The following JADE2 variants were observed in gnomAD, a reference collection of about 807,000 sequenced individuals.
JADE2 encodes the protein E3 ubiquitin-protein ligase Jade-2.
A neutral mutation model predicts 85.7 loss-of-function variants in JADE2; 13 were observed. That is an observed-to-expected ratio of 0.15 (90% CI 0.10 to 0.24). The LOEUF (loss-of-function observed/expected upper bound fraction) is 0.24, where lower values mean the gene tolerates loss of function less well. Ranked by LOEUF, JADE2 falls within the 10% of genes least tolerant of loss-of-function variation. The pLI, the probability that JADE2 is intolerant of heterozygous loss-of-function variation, is 1.00. For synonymous variants in JADE2, 440 were observed against 456.1 expected (o/e 0.96, Z 0.45); for missense variants, 846 against 1,115.9 (o/e 0.76, Z 3.45).
chr5:134,555,075 A>T (rs1762829399), intron 4 of JADE2, among the ~76,000 whole-genome samples: 2 of 151,998 alleles, frequency 1.3e-5, no homozygotes, highest in Non-Finnish European at 2.9e-5. Context: ...CCAGAGACAG[A>T]GCCCTGTGCC....
intron 1 of JADE2, among the ~76,000 whole-genome samples, chr5:134,529,732 A>AG (rs1254670015): frequency 6.6e-6 from 1 of 152,260 alleles, no homozygotes; most frequent in Non-Finnish European, 1.5e-5. Flanking sequence ...TCTCTGCAGA[A>AG]GGGATCAGAA....
Position 134,578,571 on chromosome 5 carries a change from G to A in JADE2, c.1759G>A (p.Glu587Lys). Residue 587 changes from glutamate to lysine, a missense_variant, in exon 12 of 12, where the codon GAG (glutamate) becomes AAG (lysine). Glu to Lys is a moderately conservative substitution (Grantham distance 56). Transcript: ENST00000681547. This position sits in a 1 kb window ranked among gnomAD's most constrained non-coding sequence, Gnocchi z 4.4. ...GGCACAGTCGGTGCAGATCACAGCA[G>A]AGAACATGGCCATGAGCGAGTGGCC... ...WLAQSVQITA[E>K]NMAMSEWPLN... 6.2e-7 allele frequency: 1 copy of A among 1,613,964 alleles called. No individual in the cohort carries two copies. Among genetic ancestry groups the A allele is most frequent in the Non-Finnish European group, 8.5e-7 (1 of 1,179,882 alleles).
upstream of JADE2, chr5:134,525,639 A>C (rs1421626466): frequency 5.0e-5 from 50 of 1,007,912 alleles, 1 homozygote; most frequent in Middle Eastern, 5.0e-4. Context: ...TTCTAAAGAG[A>C]TCACAAGGAA....
chr5:134,551,944 A>G, intron 3 of JADE2, 108 bp from the exon 4 acceptor site: 1 of 974,086 alleles, frequency 1.0e-6, no homozygotes, highest in Non-Finnish European at 1.6e-6. Flanking sequence ...CTAAGTGCGC[A>G]GGCAGAATGT....
rs748748080 is a variant in JADE2 at position 134,578,182 on chromosome 5, A to G, written c.1682-312A>G. Among the ~76,000 whole-genome samples, 8 of 152,210 alleles carry G rather than the reference A, an allele frequency of 5.3e-5. No individual in the cohort carries two copies. The highest frequency in any genetic ancestry group is 1.2e-4 in the Non-Finnish European group (8 of 68,052). On this transcript the variant is annotated intron_variant, in intron 11 of 11. Transcript: ENST00000681547. This position sits in a 1 kb window ranked among gnomAD's most constrained non-coding sequence, Gnocchi z 4.4. ...ACCTGCTAGACAAACTAAAAGAGCT[A>G]TAACACTCCACCTTGAAATTCTTAA...
In JADE2 at chr5:134,581,856, A is replaced by G. The variant is rs1405392478; in HGVS notation, c.*2539A>G. 6.6e-6 allele frequency: 1 copy of G among 152,344 alleles called. No homozygotes were observed. Among genetic ancestry groups the G allele is most frequent in the Non-Finnish European group, 1.5e-5 (1 of 68,108 alleles). 9.4% of individuals were successfully genotyped at this position (152,344 alleles called of 1,614,324 possible). ...AGCTGTCTCCACCTCCAGGATGTCC[A>G]GCAGGCTGCAAGGAGAAGGATGCCA... On this transcript the variant is annotated 3_prime_UTR_variant, in exon 12 of 12. Transcript: ENST00000681547.
intron 1 of JADE2, among the ~76,000 whole-genome samples, chr5:134,530,202 T>C (rs1297930691): frequency 6.6e-6 from 1 of 152,252 alleles, no homozygotes; most frequent in Non-Finnish European, 1.5e-5. Flanking sequence ...GTTTTCTGAA[T>C]GTCTGGCCTT....
At chr5:134,548,711 C>T (rs1202013992) in intron 3 of JADE2, among the ~76,000 whole-genome samples, 1 of 152,224 alleles carries the variant, frequency 6.6e-6, no homozygotes, top group Non-Finnish European at 1.5e-5. Flanking sequence ...CCTTCCTGCC[C>T]TGAGTTCTCA....
At chr5:134,530,494 G>T (rs958944461) in intron 1 of JADE2, among the ~76,000 whole-genome samples, 3 of 152,162 alleles carry the variant, frequency 2.0e-5, no homozygotes, top group African/African-American at 7.2e-5. Context: ...TGTTTTAACT[G>T]CCCAGGGAGT....
At chr5:134,524,612 G>A (rs895931285), upstream of JADE2, among the ~76,000 whole-genome samples, 16 of 152,206 alleles carry the variant, frequency 1.1e-4, no homozygotes, top group African/African-American at 3.6e-4. Context: ...TCCTGCTGGG[G>A]CCAGGATGTG....
Position 134,525,974 on chromosome 5 carries a change from C to T in JADE2, c.-38C>T, listed in dbSNP as rs1581376691. The T allele has an allele frequency of 1.0e-6, 1 of 985,604 alleles. No homozygotes were observed. Among genetic ancestry groups the T allele is most frequent in the East Asian group, 1.1e-4 (1 of 8,786 alleles). The allele number at this position is 985,604 out of a possible 1,614,324, so 61.1% of individuals were successfully genotyped here. A position where few individuals can be genotyped will look rare whatever the true frequency, so the allele number is the denominator to read the frequency against. ...GCCGGTCCCTGCAGCGGCGCGTAGC[C>T]GAGGGCAGCGCCCGTCAGGGGGGCA... On this transcript the variant is annotated 5_prime_UTR_variant, in exon 1 of 12. An upstream open reading frame in the 5' UTR gains an earlier in-frame stop. Transcript: ENST00000681547.
chr5:134,569,868 T>C (rs1014585511), intron 9 of JADE2, among the ~76,000 whole-genome samples: 1 of 152,098 alleles, frequency 6.6e-6, no homozygotes, highest in Non-Finnish European at 1.5e-5. Context: ...CTTCCATCTC[T>C]AGGGCTCCCC....
chr5:134,528,959 A>G (rs1272955700), intron 1 of JADE2, among the ~76,000 whole-genome samples: 1 of 152,216 alleles, frequency 6.6e-6, no homozygotes, highest in Non-Finnish European at 1.5e-5. Context: ...CTTAGCTTTC[A>G]TGGACTGGTG....
Position 134,525,932 on chromosome 5 carries a change from G to C in JADE2, c.-80G>C. The C allele has an allele frequency of 4.1e-6, 4 of 985,892 alleles. No homozygotes were observed. Among genetic ancestry groups the C allele is most frequent in the Non-Finnish European group, 4.8e-6 (4 of 830,524 alleles). The allele number at this position is 985,892 out of a possible 1,614,324, so 61.1% of individuals were successfully genotyped here. ...GCCGGCCCCAGGAGCTCCCGGCTTCGGGAGCATCCTTCCCGCGCCGGTCCC... is the reference window on the plus strand; with the variant it reads ...GCCGGCCCCAGGAGCTCCCGGCTTCCGGAGCATCCTTCCCGCGCCGGTCCC... On this transcript the variant is annotated 5_prime_UTR_variant, in exon 1 of 12. Transcript: ENST00000681547.
chr5:134,534,094 T>C (rs1761432372), intron 1 of JADE2, among the ~76,000 whole-genome samples: 1 of 152,132 alleles, frequency 6.6e-6, no homozygotes, highest in Non-Finnish European at 1.5e-5. Context: ...GAGCTGTTTG[T>C]ACTCTGCTGC....
At chr5:134,529,579 C>T (rs147850863) in intron 1 of JADE2, among the ~76,000 whole-genome samples, 228 of 152,296 alleles carry the variant, frequency 1.5e-3, no homozygotes, top group African/African-American at 5.2e-3. Context: ...TAAGTGATTA[C>T]CTAAAAAAGA....
chr5:134,550,695 C>T lies in JADE2; in HGVS notation c.154-1357C>T, dbSNP rs140234581. On this transcript the variant is annotated intron_variant, in intron 3 of 11. Transcript: ENST00000681547. ...ACAATAGCGCTTTGTGGGGGGATCA[C>T]GCAGTGGGATCAGGTGACTGGGGCA... is the stretch of plus-strand genomic sequence containing the variant. Among the ~76,000 whole-genome samples the T allele has an allele frequency of 5.7e-3, 871 of 152,280 alleles. 9 individuals carry two copies. The highest frequency in any genetic ancestry group is 0.02 in the African/African-American group (811 of 41,560).
chr5:134,543,853 G>T (rs1762129063), intron 3 of JADE2, among the ~76,000 whole-genome samples: 1 of 152,202 alleles, frequency 6.6e-6, no homozygotes. Context: ...AGGCTCTCCA[G>T]CCTGGTTCAA....
chr5:134,564,735 T>A (rs898553851), intron 8 of JADE2, 125 bp downstream of exon 8: 1 of 590,782 alleles, frequency 1.7e-6, no homozygotes, highest in Admixed American at 3.5e-5. Flanking sequence ...CCCAGAGGGG[T>A]GTGGGACTGG....
Sources: allele counts gnomAD v4.1 joint callset (sites outside exome capture counted in the v4.1 genomes callset), GRCh38; gene constraint gnomAD v4.1.1; non-coding constraint Gnocchi (gnomAD v3.1); transcripts MANE v1.5; gene names NCBI Gene and HGNC (gene_info 2026-07-23, HGNC 2026-07-21).